Variants in MAD2L1 observed in about 807,000 individuals in gnomAD.
MAD2L1 encodes the protein mitotic spindle assembly checkpoint protein MAD2A.
Under a neutral mutation model 25.9 loss-of-function variants are expected in MAD2L1, and 10 were observed. The ratio of observed to expected loss-of-function variants is 0.39; its 90% CI spans 0.24 to 0.66. MAD2L1 has a LOEUF of 0.66. MAD2L1 is among the 30% of genes least tolerant of loss of function. The pLI, the probability that MAD2L1 is intolerant of heterozygous loss-of-function variation, is 0.49. For missense variants in MAD2L1, 180 were observed against 246.4 expected (o/e 0.73, Z 1.80); for synonymous variants, 81 against 91.8 (o/e 0.88, Z 0.67).
In MAD2L1 at chr4:120,058,401, G is replaced by A. The variant is rs1361199134; in HGVS notation, c.*1717C>T. The A allele has an allele frequency of 1.3e-5, 2 of 152,190 alleles. No homozygotes were observed. The highest frequency in any genetic ancestry group is 4.8e-5 in the African/African-American group (2 of 41,440). 9.4% of individuals were successfully genotyped at this position (152,190 alleles called of 1,614,324 possible). A position where few individuals can be genotyped will look rare whatever the true frequency, so the allele number is the denominator to read the frequency against. Reference sequence around the variant, plus strand: ...AATCCCAATGCTTTGTGAGGTCAAGGCGGGCAGATCATGAGGTCAGGAGTT... The same window carrying A: ...AATCCCAATGCTTTGTGAGGTCAAGACGGGCAGATCATGAGGTCAGGAGTT... On this transcript the variant is annotated 3_prime_UTR_variant, in exon 5 of 5. Coordinates refer to ENST00000296509, the MANE Select transcript of MAD2L1 (RefSeq NM_002358.4).
intron 2 of MAD2L1, among the ~76,000 whole-genome samples, chr4:120,064,451 A>C (rs1560771354): frequency 1.3e-5 from 2 of 152,348 alleles, no homozygotes; most frequent in Admixed American, 1.3e-4. Context: ...CACATCTGGC[A>C]ATATAATACA....
intron 2 of MAD2L1, 126 bp downstream of exon 2, chr4:120,065,546 T>C: frequency 7.9e-6 from 6 of 762,318 alleles, no homozygotes; most frequent in Non-Finnish European, 1.2e-5. Context: ...TTATATATTA[T>C]TTTCTTCCTC....
intron 2 of MAD2L1, among the ~76,000 whole-genome samples, chr4:120,065,208 A>C (rs1036725212): frequency 2.0e-5 from 3 of 152,236 alleles, no homozygotes; most frequent in East Asian, 1.9e-4. Flanking sequence ...TTTAGTAGCT[A>C]ATCTTTTCTC....
chr4:120,058,881 G>C lies in MAD2L1; in HGVS notation c.*1237C>G, dbSNP rs1175499387. ...GACTATGTGCAATTACTTAAAAATA[G>C]TGAAGGTTAAATAAGTTAATACACA... is the stretch of plus-strand genomic sequence containing the variant. On this transcript the variant is annotated 3_prime_UTR_variant, in exon 5 of 5. Coordinates refer to ENST00000296509, the MANE Select transcript of MAD2L1 (RefSeq NM_002358.4). The C allele has an allele frequency of 6.6e-6, 1 of 152,178 alleles. No homozygotes were observed. The highest frequency in any genetic ancestry group is 6.5e-5 in the Admixed American group (1 of 15,278). 9.4% of individuals were successfully genotyped at this position (152,178 alleles called of 1,614,324 possible). A position where few individuals can be genotyped will look rare whatever the true frequency, so the allele number is the denominator to read the frequency against.
intron 4 of MAD2L1, 87 bp from the exon 5 acceptor site, chr4:120,060,377 C>A: frequency 9.2e-7 from 1 of 1,089,938 alleles, no homozygotes; most frequent in Non-Finnish European, 1.3e-6. Flanking sequence ...GAACCACTCA[C>A]TGCTGGAAAA....
intron 2 of MAD2L1, among the ~76,000 whole-genome samples, chr4:120,064,631 C>A (rs1364868501): frequency 6.6e-6 from 1 of 152,182 alleles, no homozygotes; most frequent in Non-Finnish European, 1.5e-5. Flanking sequence ...ACAGGGCTAT[C>A]TTCCCTTGCC....
At chr4:120,066,451 TA>T (rs1726322198) in intron 1 of MAD2L1, among the ~76,000 whole-genome samples, 1 of 151,942 alleles carries the variant, frequency 6.6e-6, no homozygotes, top group Non-Finnish European at 1.5e-5. Flanking sequence ...GATCTGCACT[TA>T]AAGGAAGAAA....
chr4:120,057,370 C>G lies in MAD2L1; in HGVS notation c.*2748G>C, dbSNP rs1726128220. Reference sequence around the variant, plus strand: ...GCTTTGGTCAGTGTGAAAAAGCTGGCCTTCAGAGTCCTGACTAACCAATGT... The same window carrying G: ...GCTTTGGTCAGTGTGAAAAAGCTGGGCTTCAGAGTCCTGACTAACCAATGT... On this transcript the variant is annotated 3_prime_UTR_variant, in exon 5 of 5. Coordinates refer to ENST00000296509, the MANE Select transcript of MAD2L1 (RefSeq NM_002358.4). 6.6e-6 allele frequency: 1 copy of G among 152,196 alleles called. No individual in the cohort carries two copies. Among genetic ancestry groups the G allele is most frequent in the Admixed American group, 6.5e-5 (1 of 15,274 alleles). The allele number at this position is 152,196 out of a possible 1,614,324, so 9.4% of individuals were successfully genotyped here.
At position 120,065,665 on chromosome 4, in the gene MAD2L1, A is replaced by G. The variant is rs1168908864; in HGVS notation, c.220+7T>C. ...AAGACTCAAATTGTTTCCAATGATTAAAATACCTTTCAGTTGTTCCACCAC... is the reference window on the plus strand; with the variant it reads ...AAGACTCAAATTGTTTCCAATGATTGAAATACCTTTCAGTTGTTCCACCAC... On this transcript the variant is annotated splice_region_variant and intron_variant, in intron 2 of 4. Coordinates refer to ENST00000296509, the MANE Select transcript of MAD2L1 (RefSeq NM_002358.4). 6.2e-7 allele frequency: 1 copy of G among 1,612,950 alleles called. No individual in the cohort carries two copies. Among genetic ancestry groups the G allele is most frequent in the South Asian group, 1.1e-5 (1 of 90,942 alleles).
At position 120,060,295 on chromosome 4, in the gene MAD2L1, A is replaced by AT. The variant is rs1262910256; in HGVS notation, c.446-6dup. The AT allele has an allele frequency of 6.9e-6, 11 of 1,602,468 alleles. No individual in the cohort carries two copies. Among genetic ancestry groups the AT allele is most frequent in the Non-Finnish European group, 9.4e-6 (11 of 1,172,152 alleles). On this transcript the variant is annotated splice_region_variant and splice_polypyrimidine_tract_variant and intron_variant, in intron 4 of 4. Coordinates refer to ENST00000296509, the MANE Select transcript of MAD2L1 (RefSeq NM_002358.4). ...AAATCAGCAGATCAAATGAACCTAA[A>AT]TTGGGGATAAGATCATTGAAGTATA...
intron 3 of MAD2L1, 31 bp downstream of exon 3, chr4:120,061,944 T>C: frequency 6.4e-7 from 1 of 1,553,084 alleles, no homozygotes; most frequent in African/African-American, 1.4e-5. Flanking sequence ...AAAAAATATA[T>C]CAAAGTAGAA....
rs1459889227 is a variant in MAD2L1 at position 120,057,692 on chromosome 4, C to T, written c.*2426G>A. 1 of 152,220 alleles carries T rather than the reference C, an allele frequency of 6.6e-6. No individual in the cohort carries two copies. The highest frequency in any genetic ancestry group is 1.5e-5 in the Non-Finnish European group (1 of 68,080). The allele number at this position is 152,220 out of a possible 1,614,324, so 9.4% of individuals were successfully genotyped here. On this transcript the variant is annotated 3_prime_UTR_variant, in exon 5 of 5. Coordinates refer to ENST00000296509, the MANE Select transcript of MAD2L1 (RefSeq NM_002358.4). ...TTTAACATGGTGTAGAAACCACTCA[C>T]AAGTCTTTCAGCTGTTGATTTAAAC...
At chr4:120,060,669 T>A (rs777953623) in intron 4 of MAD2L1, among the ~76,000 whole-genome samples, 3 of 152,190 alleles carry the variant, frequency 2.0e-5, no homozygotes, top group Non-Finnish European at 4.4e-5. Flanking sequence ...GGGTTCATAC[T>A]ATCCATGGTT....
chr4:120,061,673 T>C (rs1429284402), intron 3 of MAD2L1, among the ~76,000 whole-genome samples: 1 of 152,128 alleles, frequency 6.6e-6, no homozygotes, highest in African/African-American at 2.4e-5. Context: ...GAACAATTAT[T>C]AAATGGTTCA....
At chr4:120,063,398 T>C (rs974487899) in intron 2 of MAD2L1, among the ~76,000 whole-genome samples, 20 of 152,230 alleles carry the variant, frequency 1.3e-4, no homozygotes, top group African/African-American at 4.3e-4. Context: ...TTTAGGCTTA[T>C]TGGCCACCAA....
rs1726330076 is a variant in MAD2L1, at chr4:120,066,743, A to T, written c.-9T>A. On this transcript the variant is annotated 5_prime_UTR_variant, in exon 1 of 5. Transcript: ENST00000296509. ...GAGAGCTGCAGCGCCATGGCCAGGG[A>T]CACAAACAAAAGCACGCGCTTCCAC... The T allele has an allele frequency of 6.3e-7, 1 of 1,591,184 alleles. No homozygotes were observed. The highest frequency in any genetic ancestry group is 8.6e-7 in the Non-Finnish European group (1 of 1,163,300).
intron 2 of MAD2L1, among the ~76,000 whole-genome samples, chr4:120,064,202 G>C (rs762331940): frequency 1.4e-4 from 22 of 152,158 alleles, no homozygotes; most frequent in Non-Finnish European, 2.8e-4. Flanking sequence ...TAGTTGTCTA[G>C]AGGTTCCAGG....
chr4:120,065,916 C>T, intron 1 of MAD2L1, 98 bp from the exon 2 acceptor site: 2 of 1,244,996 alleles, frequency 1.6e-6, no homozygotes, highest in Non-Finnish European at 1.1e-6. Context: ...TTAGGCTATA[C>T]AGCTATAAAT....
At chr4:120,064,474 T>A (rs1268726200) in intron 2 of MAD2L1, among the ~76,000 whole-genome samples, 1 of 152,214 alleles carries the variant, frequency 6.6e-6, no homozygotes, top group Non-Finnish European at 1.5e-5. Flanking sequence ...GAGGCATTTC[T>A]GGTTGTCAGA....
Sources: allele counts gnomAD v4.1 joint callset (sites outside exome capture counted in the v4.1 genomes callset), GRCh38; gene constraint gnomAD v4.1.1; transcripts MANE v1.5; gene names NCBI Gene and HGNC (gene_info 2026-07-23, HGNC 2026-07-21).